KHDRBS2: variants seen among roughly 807,000 people sequenced by gnomAD.
KHDRBS2 encodes the protein KH domain-containing, RNA-binding, signal transduction-associated protein 2.
Under a neutral mutation model 44.3 loss-of-function variants are expected in KHDRBS2, and 26 were observed. The observed-to-expected ratio is 0.59, with a 90% CI of 0.43 to 0.81. KHDRBS2 has a LOEUF of 0.81. KHDRBS2 is among the 40% of genes least tolerant of loss of function. KHDRBS2 has a pLI of 0.00. For synonymous variants in KHDRBS2, 194 were observed against 151.1 expected (o/e 1.28, Z -2.08); for missense variants, 476 against 433.1 (o/e 1.10, Z -0.88).
chr6:62,145,558 C>T (rs906741923), intron 2 of KHDRBS2, among the ~76,000 whole-genome samples: 2 of 138,552 alleles, frequency 1.4e-5, no homozygotes, highest in Non-Finnish European at 3.2e-5. Context: ...TAAAGTAATT[C>T]TTTTTCTTTC....
Position 61,784,954 on chromosome 6 carries a change from G to C in KHDRBS2, c.811-52190C>G, listed in dbSNP as rs542257703. On this transcript the variant is annotated intron_variant, in intron 6 of 8. Coordinates refer to ENST00000281156, the MANE Select transcript of KHDRBS2 (RefSeq NM_152688.4). ...GCTTCAGCCTAGGAGTTTGAAACTA[G>C]CCTGGGCAACATGGCAAAACTCTGT... 3.3e-5 allele frequency among the ~76,000 whole-genome samples: 5 copies of C among 152,096 alleles called. No homozygotes were observed. In the South Asian group the frequency reaches 6.2e-4, roughly 19 times the overall value.
chr6:61,776,765 A>G (rs1782096001), intron 6 of KHDRBS2, among the ~76,000 whole-genome samples: 1 of 152,046 alleles, frequency 6.6e-6, no homozygotes, highest in African/African-American at 2.4e-5. Flanking sequence ...AAATACCATT[A>G]AACCCAGTCA....
chr6:62,109,602 T>C (rs1804516168), intron 2 of KHDRBS2, among the ~76,000 whole-genome samples: 1 of 151,816 alleles, frequency 6.6e-6, no homozygotes, highest in Non-Finnish European at 1.5e-5. Flanking sequence ...GGATAAAAGA[T>C]CAATATATAA....
chr6:62,265,425 T>C (rs1839032933), intron 1 of KHDRBS2, among the ~76,000 whole-genome samples: 1 of 151,916 alleles, frequency 6.6e-6, no homozygotes, highest in Non-Finnish European at 1.5e-5. Context: ...TATGTCTGTG[T>C]ATGTGTATGT....
chr6:62,274,064 T>C (rs1840520670), intron 1 of KHDRBS2, among the ~76,000 whole-genome samples: 1 of 152,112 alleles, frequency 6.6e-6, no homozygotes, highest in Admixed American at 6.6e-5. Context: ...GTCTCCTGAG[T>C]AGCAGGGACT....
intron 8 of KHDRBS2, among the ~76,000 whole-genome samples, chr6:61,692,857 G>A (rs1342753296): frequency 2.0e-5 from 3 of 151,948 alleles, no homozygotes; most frequent in African/African-American, 4.8e-5. Flanking sequence ...AGAGGAAGGT[G>A]CCTGGGACAA....
chr6:62,071,048 G>C (rs1284369487), intron 2 of KHDRBS2, among the ~76,000 whole-genome samples: 1 of 152,118 alleles, frequency 6.6e-6, no homozygotes, highest in East Asian at 1.9e-4. Flanking sequence ...GTGTGAGATG[G>C]TATCTCATTG....
intron 6 of KHDRBS2, among the ~76,000 whole-genome samples, chr6:61,845,327 TGAG>T (rs1794231219): frequency 6.6e-6 from 1 of 150,576 alleles, no homozygotes; most frequent in Non-Finnish European, 1.5e-5. Flanking sequence ...TTTTTTTTTT[TGAG>T]ATGGAGTCTT....
At chr6:62,275,129 C>A (rs2150191883) in intron 1 of KHDRBS2, among the ~76,000 whole-genome samples, 1 of 151,820 alleles carries the variant, frequency 6.6e-6, no homozygotes, top group African/African-American at 2.4e-5. Context: ...AATTAAATTG[C>A]TTTTAATTAT....
At chr6:62,093,914 A>G (rs1417514021) in intron 2 of KHDRBS2, among the ~76,000 whole-genome samples, 1 of 148,378 alleles carries the variant, frequency 6.7e-6, no homozygotes, top group East Asian at 2.0e-4. Flanking sequence ...TTCTTTATCA[A>G]TTCATCCACT....
chr6:61,714,822 C>T (rs537049853), intron 7 of KHDRBS2, among the ~76,000 whole-genome samples: 2 of 151,704 alleles, frequency 1.3e-5, no homozygotes, highest in African/African-American at 2.4e-5. Context: ...TGCATTTCTC[C>T]CTTATAAGTA....
At chr6:62,033,049 GGA>G (rs2127293724) in intron 3 of KHDRBS2, among the ~76,000 whole-genome samples, 1 of 151,884 alleles carries the variant, frequency 6.6e-6, no homozygotes, top group South Asian at 2.1e-4. Context: ...GCAGAATTCT[GGA>G]GTTGAAAAAT....
the KHDRBS2 span, among the ~76,000 whole-genome samples, chr6:61,593,257 A>T: frequency 2.6e-5 from 4 of 152,142 alleles, no homozygotes; most frequent in Non-Finnish European, 4.4e-5. Flanking sequence ...CAAGTTGTCT[A>T]GTTTCAGTTT....
chr6:61,542,886 G>T, the KHDRBS2 span, among the ~76,000 whole-genome samples: 1 of 151,840 alleles, frequency 6.6e-6, no homozygotes, highest in African/African-American at 2.4e-5. Flanking sequence ...AGAAAAACAA[G>T]ATAAAAAGAA....
intron 1 of KHDRBS2, among the ~76,000 whole-genome samples, chr6:62,201,588 G>T (rs1338213627): frequency 6.6e-6 from 1 of 151,992 alleles, no homozygotes; most frequent in Non-Finnish European, 1.5e-5. Flanking sequence ...TGAGCTACAG[G>T]TAGAAAAATA....
chr6:62,069,025 AG>A (rs1169441800), intron 2 of KHDRBS2, among the ~76,000 whole-genome samples: 1 of 151,638 alleles, frequency 6.6e-6, no homozygotes, highest in Non-Finnish European at 1.5e-5. Flanking sequence ...TCTGGAAAAA[AG>A]ATACTAGGGA....
chr6:62,285,793 C>G, intron 1 of KHDRBS2, 65 bp downstream of exon 1: 7 of 1,169,098 alleles, frequency 6.0e-6, no homozygotes, highest in Non-Finnish European at 8.9e-6. Context: ...CTTCACTCCC[C>G]TAATCAAGCC....
intron 3 of KHDRBS2, among the ~76,000 whole-genome samples, chr6:62,039,741 T>G (rs965850371): frequency 2.6e-5 from 4 of 152,062 alleles, no homozygotes; most frequent in African/African-American, 9.7e-5. Context: ...TCTAAAATGT[T>G]CAAAAGGAGG....
intron 1 of KHDRBS2, among the ~76,000 whole-genome samples, chr6:62,280,420 G>A (rs1841638375): frequency 6.6e-6 from 1 of 152,134 alleles, no homozygotes; most frequent in Non-Finnish European, 1.5e-5. Flanking sequence ...AGAAGACAAG[G>A]AAGATGGAAA....
Sources: allele counts gnomAD v4.1 joint callset (sites outside exome capture counted in the v4.1 genomes callset), GRCh38; gene constraint gnomAD v4.1.1; transcripts MANE v1.5; gene names NCBI Gene and HGNC (gene_info 2026-07-23, HGNC 2026-07-21).